The following KLHL4 variants were observed in gnomAD, a reference collection of about 807,000 sequenced individuals.
KLHL4 encodes the protein kelch-like protein 4.
In KLHL4, 17 loss-of-function variants were observed where a neutral mutation model predicts 45.8. That is an observed-to-expected ratio of 0.37 (90% CI 0.25 to 0.56). KLHL4 has a LOEUF of 0.56. KLHL4 is among the 20% of genes least tolerant of loss of function. The pLI, the probability that KLHL4 is intolerant of heterozygous loss-of-function variation, is 0.79. For synonymous variants in KLHL4, 224 were observed against 189.9 expected (o/e 1.18, Z -1.47); for missense variants, 544 against 544.9 (o/e 1.00, Z 0.02).
At chrX:87,531,886 T>C (rs1050659637) in intron 1 of KLHL4, among the ~76,000 whole-genome samples, 1 of 97,187 alleles carries the variant, frequency 1.0e-5, no homozygotes, top group African/African-American at 3.8e-5. Flanking sequence ...AGAATCAATA[T>C]CATGAAAATG....
intron 9 of KLHL4, among the ~76,000 whole-genome samples, chrX:87,662,853 C>A (rs1924237832): frequency 9.3e-6 from 1 of 107,175 alleles, no homozygotes; most frequent in South Asian, 4.2e-4. Context: ...TGGCGTGAAC[C>A]CAGGAGGCGG....
rs939865092 is a variant in KLHL4, at chrX:87,578,981, C to G, written c.423-34896C>G. Among the ~76,000 whole-genome samples the G allele has an allele frequency of 4.5e-5, 5 of 111,822 alleles. No homozygotes were observed. The Middle Eastern group carries it at 0.018, about 410-fold the overall frequency. ...GACTTCCAGTCTAAATCTCAATGTG[C>G]TATATTCTTTCTTCAACTAGAACAG... On this transcript the variant is annotated intron_variant, in intron 1 of 10. Transcript: ENST00000373119.
intron 3 of KLHL4, among the ~76,000 whole-genome samples, chrX:87,616,667 A>G (rs982968355): frequency 3.2e-4 from 36 of 111,754 alleles, no homozygotes; most frequent in Admixed American, 1.9e-4. Flanking sequence ...TGTATCGAAG[A>G]CATTTATAAC....
intron 1 of KLHL4, among the ~76,000 whole-genome samples, chrX:87,557,796 A>C (rs1006019255): frequency 9.0e-6 from 1 of 111,156 alleles, no homozygotes; most frequent in African/African-American, 3.3e-5. Context: ...TGTTGGGTAC[A>C]TGGATATAAA....
At chrX:87,587,695 C>A (rs1490693396) in intron 1 of KLHL4, among the ~76,000 whole-genome samples, 1 of 111,234 alleles carries the variant, frequency 9.0e-6, no homozygotes, top group Non-Finnish European at 1.9e-5. Flanking sequence ...GAACTATTAT[C>A]ATACTGAGTG....
intron 1 of KLHL4, among the ~76,000 whole-genome samples, chrX:87,586,960 A>G (rs1921495036): frequency 9.1e-6 from 1 of 109,754 alleles, no homozygotes; most frequent in Non-Finnish European, 1.9e-5. Context: ...ATACTGCAGA[A>G]TTTAAAGGAT....
At chrX:87,601,817 G>A (rs758280795) in intron 1 of KLHL4, among the ~76,000 whole-genome samples, 1 of 111,075 alleles carries the variant, frequency 9.0e-6, no homozygotes, top group African/African-American at 3.3e-5. Context: ...GGATTTTATG[G>A]GAGAATTGTA....
chrX:87,601,475 C>G (rs1296387341), intron 1 of KLHL4, among the ~76,000 whole-genome samples: 1 of 111,603 alleles, frequency 9.0e-6, no homozygotes, highest in African/African-American at 3.3e-5. Flanking sequence ...GTGGACTGTT[C>G]CTAGAGGAAG....
intron 1 of KLHL4, among the ~76,000 whole-genome samples, chrX:87,548,384 A>G (rs953832216): frequency 7.2e-5 from 8 of 111,876 alleles, no homozygotes; most frequent in Admixed American, 3.8e-4. Flanking sequence ...AAACAAACAA[A>G]CAAACAAAAA....
chrX:87,608,575 T>A (rs1010162345), intron 1 of KLHL4, among the ~76,000 whole-genome samples: 1 of 110,504 alleles, frequency 9.0e-6, no homozygotes, highest in Non-Finnish European at 1.9e-5. Context: ...AGAGATTTAT[T>A]TGGTTCATGA....
chrX:87,663,978 C>T (rs1924284652), intron 9 of KLHL4, among the ~76,000 whole-genome samples: 1 of 111,046 alleles, frequency 9.0e-6, no homozygotes, highest in Admixed American at 9.6e-5. Context: ...ACAAATAGGC[C>T]AATATAAAGT....
At chrX:87,564,235 C>T (rs1394496624) in intron 1 of KLHL4, among the ~76,000 whole-genome samples, 2 of 99,086 alleles carry the variant, frequency 2.0e-5, no homozygotes, top group Admixed American at 1.3e-4. Flanking sequence ...ACTGCAACAA[C>T]ATTTTAAGAT....
At chrX:87,628,276 C>T (rs1039807084) in intron 6 of KLHL4, among the ~76,000 whole-genome samples, 2 of 110,967 alleles carry the variant, frequency 1.8e-5, no homozygotes, top group Non-Finnish European at 3.8e-5. Context: ...AATTCTTATT[C>T]AAATATGATG....
chrX:87,591,110 A>G (rs1921649063), intron 1 of KLHL4, among the ~76,000 whole-genome samples: 1 of 111,865 alleles, frequency 8.9e-6, no homozygotes, highest in Admixed American at 9.5e-5. Context: ...CCACCAGTGT[A>G]TTAGAGTTCC....
intron 9 of KLHL4, among the ~76,000 whole-genome samples, chrX:87,653,378 A>G (rs937253635): frequency 2.7e-5 from 3 of 112,153 alleles, no homozygotes; most frequent in African/African-American, 9.7e-5. Context: ...CATGAAAAAA[A>G]GCTCAACATC....
At chrX:87,618,370 C>T (rs1188621163) in intron 4 of KLHL4, among the ~76,000 whole-genome samples, 2 of 111,428 alleles carry the variant, frequency 1.8e-5, no homozygotes, top group South Asian at 3.7e-4. Context: ...TGTACAACTG[C>T]GTATTTCAAA....
intron 9 of KLHL4, among the ~76,000 whole-genome samples, chrX:87,664,141 G>T (rs1180900495): frequency 9.0e-6 from 1 of 111,130 alleles, no homozygotes; most frequent in African/African-American, 3.3e-5. Flanking sequence ...TTTTCATTTT[G>T]CTTACTAAAG....
intron 1 of KLHL4, among the ~76,000 whole-genome samples, chrX:87,554,087 TG>T (rs1285475459): frequency 4.1e-5 from 4 of 97,677 alleles, no homozygotes; most frequent in African/African-American, 1.5e-4. Flanking sequence ...ATCTCTGTTT[TG>T]GTACCAGTAC....
intron 9 of KLHL4, among the ~76,000 whole-genome samples, chrX:87,648,359 A>T (rs1436260197): frequency 9.0e-6 from 1 of 111,438 alleles, no homozygotes; most frequent in African/African-American, 3.3e-5. Flanking sequence ...AAAAAATCAC[A>T]ATCAAAACCA....
Sources: allele counts gnomAD v4.1 joint callset (sites outside exome capture counted in the v4.1 genomes callset), GRCh38; gene constraint gnomAD v4.1.1; transcripts MANE v1.5; gene names NCBI Gene and HGNC (gene_info 2026-07-23, HGNC 2026-07-21).